The following MBNL3 variants were observed in gnomAD, a reference collection of about 807,000 sequenced individuals.
MBNL3 encodes the protein muscleblind like splicing regulator 3.
MBNL3 carries 6 observed loss-of-function variants against 24.5 expected under a neutral mutation model. The ratio of observed to expected loss-of-function variants is 0.25; its 90% CI spans 0.13 to 0.48. MBNL3 has a LOEUF of 0.48. Among genes scored for constraint, MBNL3 ranks in the 20% least tolerant of loss-of-function variants. MBNL3 has a pLI of 0.99. For synonymous variants in MBNL3, 100 were observed against 101.7 expected, an observed-to-expected ratio of 0.98 and a Z score of 0.10; for missense variants, 230 against 293.5, an observed-to-expected ratio of 0.78 and a Z score of 1.58.
chrX:132,467,716 C>T (rs1158373327), intron 1 of MBNL3, among the ~76,000 whole-genome samples: 1 of 111,892 alleles, frequency 8.9e-6, no homozygotes, highest in Non-Finnish European at 1.9e-5. Context: ...AGCATCTTGT[C>T]CCAACAGGCT....
Position 132,450,183 on chromosome X carries a change from T to C in MBNL3, c.-703-9869A>G, listed in dbSNP as rs186404174. 3.4e-4 allele frequency among the ~76,000 whole-genome samples: 38 copies of C among 111,348 alleles called. 1 individual carries two copies. The highest frequency in any genetic ancestry group is 2.8e-3 in the Admixed American group (30 of 10,529). ...AGGAGTATCTTTGTGGTGTTCTCTGTATTTCCTGAATTTGAATGTTGGCCT... is the reference window on the plus strand; with the variant it reads ...AGGAGTATCTTTGTGGTGTTCTCTGCATTTCCTGAATTTGAATGTTGGCCT... On this transcript the variant is annotated intron_variant, in intron 1 of 8. Coordinates refer to ENST00000370853, the MANE Select transcript of MBNL3 (RefSeq NM_001386889.1).
chrX:132,475,787 C>T (rs1034042171), intron 1 of MBNL3, among the ~76,000 whole-genome samples: 1 of 111,415 alleles, frequency 9.0e-6, no homozygotes, highest in African/African-American at 3.3e-5. Context: ...CACTGTTTCT[C>T]CTGCCACCCA....
At chrX:132,417,083 G>T (rs1943366018) in intron 2 of MBNL3, among the ~76,000 whole-genome samples, 1 of 111,405 alleles carries the variant, frequency 9.0e-6, no homozygotes, top group Non-Finnish European at 1.9e-5. Context: ...AAACTGCTGA[G>T]ATTACTGTAA....
intron 2 of MBNL3, among the ~76,000 whole-genome samples, chrX:132,420,372 C>T (rs1943691781): frequency 2.7e-5 from 3 of 110,577 alleles, no homozygotes; most frequent in South Asian, 7.7e-4. Context: ...TGGTGGATGG[C>T]GAGTGAAAGC....
At chrX:132,488,148 A>G (rs1403258469) in intron 1 of MBNL3, among the ~76,000 whole-genome samples, 1 of 111,700 alleles carries the variant, frequency 9.0e-6, no homozygotes. Flanking sequence ...TAACTCCTTT[A>G]AAACATATTA....
At chrX:132,417,047 C>A (rs1423182999) in intron 2 of MBNL3, among the ~76,000 whole-genome samples, 1 of 111,594 alleles carries the variant, frequency 9.0e-6, no homozygotes, top group Non-Finnish European at 1.9e-5. Context: ...TTCAGATATG[C>A]GAACACAATT....
At chrX:132,403,381 A>G (rs12009311) in intron 3 of MBNL3, among the ~76,000 whole-genome samples, 14,880 of 111,015 alleles carry the variant, frequency 0.13, 1,116 homozygotes, top group African/African-American at 0.29. Context: ...AATAATCTAC[A>G]AGGTAGAGAA....
At chrX:132,379,926 A>C (rs1057343058) in intron 8 of MBNL3, among the ~76,000 whole-genome samples, 5 of 112,546 alleles carry the variant, frequency 4.4e-5, no homozygotes, top group African/African-American at 1.6e-4. Flanking sequence ...GATGCAATCC[A>C]ATGTTTAAGG....
intron 1 of MBNL3, among the ~76,000 whole-genome samples, chrX:132,449,064 T>C (rs1945898619): frequency 8.9e-6 from 1 of 111,892 alleles, no homozygotes; most frequent in South Asian, 3.7e-4. Context: ...AATTATGTGG[T>C]CAATTTTAGA....
Position 132,369,919 on chromosome X carries a change from T to A in MBNL3, c.*9747A>T, listed in dbSNP as rs1217212147. The A allele has an allele frequency of 8.9e-6, 1 of 112,097 alleles. No individual in the cohort carries two copies. The highest frequency in any genetic ancestry group is 1.9e-5 in the Non-Finnish European group (1 of 53,252). 9.2% of individuals were successfully genotyped at this position (112,097 alleles called of 1,213,427 possible). A position where few individuals can be genotyped will look rare whatever the true frequency, so the allele number is the denominator to read the frequency against. On this transcript the variant is annotated 3_prime_UTR_variant, in exon 9 of 9. Coordinates refer to ENST00000370853, the MANE Select transcript of MBNL3 (RefSeq NM_001386889.1). ...GGGCTGCACTGGCCAGAACTGCCAT[T>A]GTATACTAATTTCTGCATCCACTTT...
At chrX:132,426,108 T>A (rs1944283350) in intron 2 of MBNL3, among the ~76,000 whole-genome samples, 2 of 112,052 alleles carry the variant, frequency 1.8e-5, no homozygotes, top group African/African-American at 6.5e-5. Context: ...TGAGCCCATA[T>A]TTATTCTCCC....
chrX:132,485,222 T>A (rs1947940112), intron 1 of MBNL3, among the ~76,000 whole-genome samples: 3 of 111,523 alleles, frequency 2.7e-5, no homozygotes, highest in Admixed American at 9.5e-5. Flanking sequence ...TGCACATCTG[T>A]ATACATTGTT....
chrX:132,477,573 C>T (rs1251492873), intron 1 of MBNL3, among the ~76,000 whole-genome samples: 2 of 111,123 alleles, frequency 1.8e-5, no homozygotes, highest in African/African-American at 6.6e-5. Flanking sequence ...AGACAAACTC[C>T]TCATGATCCT....
Position 132,382,258 on chromosome X carries a change from C to T in MBNL3, c.973G>A (p.Gly325Ser), listed in dbSNP as rs754444734. The T allele has an allele frequency of 5.0e-6, 6 of 1,200,210 alleles. No homozygotes were observed. Among genetic ancestry groups the T allele is most frequent in the South Asian group, 3.6e-5 (2 of 54,831 alleles). Residue 325 changes from glycine to serine, a missense_variant, in exon 8 of 9, where the codon GGT becomes AGT. Physicochemically the swap from Gly to Ser is moderately conservative, Grantham distance 56. Coordinates refer to ENST00000370853, the MANE Select transcript of MBNL3 (RefSeq NM_001386889.1). ...PASNIVPMMH[G>S]ATPTTVSAAT... ...GCAGACACAGTGGTAGGTGTAGCACCGTGCATCATGGGCACTTTCAGTTGA... is the reference window on the plus strand; with the variant it reads ...GCAGACACAGTGGTAGGTGTAGCACTGTGCATCATGGGCACTTTCAGTTGA...
chrX:132,381,452 T>A (rs371055937), intron 8 of MBNL3: 2 of 1,001,109 alleles, frequency 2.0e-6, no homozygotes, highest in Non-Finnish European at 2.8e-6. Context: ...TAAAAAAGAT[T>A]TTAGATTAAA....
chrX:132,475,515 G>A (rs1211662345), intron 1 of MBNL3, among the ~76,000 whole-genome samples: 5 of 111,166 alleles, frequency 4.5e-5, no homozygotes, highest in Admixed American at 2.9e-4. Flanking sequence ...GCCAAAGAGA[G>A]TATTTGCCCA....
At chrX:132,385,760 ATTAAT>A (rs981885960) in intron 6 of MBNL3, among the ~76,000 whole-genome samples, 1 of 111,120 alleles carries the variant, frequency 9.0e-6, no homozygotes, top group African/African-American at 3.3e-5. Flanking sequence ...TAATTAACTG[ATTAAT>A]TTACTAGTTA....
chrX:132,393,371 TAA>T (rs765283254), intron 3 of MBNL3, among the ~76,000 whole-genome samples: 2 of 96,833 alleles, frequency 2.1e-5, no homozygotes, highest in African/African-American at 3.7e-5. Context: ...GAGTAACTTG[TAA>T]AAAAAAAAAA....
rs1054129073 is a variant in MBNL3, at chrX:132,483,982, A to AT, written c.-704+4868dup. On this transcript the variant is annotated intron_variant, in intron 1 of 8. Transcript: ENST00000370853. ...AGGCATCAGAGTCACAGTATTTCTG[A>AT]TTTTTTTTTTAAATTTTTAATCTGG... Among the ~76,000 whole-genome samples the AT allele has an allele frequency of 6.2e-4, 69 of 110,460 alleles. No individual in the cohort carries two copies. The South Asian group carries it at 6.5e-3, about 10-fold the overall frequency.
Sources: gnomAD v4.1 joint callset for allele counts (sites outside exome capture counted in the v4.1 genomes callset) on GRCh38, gnomAD v4.1.1 for gene constraint, MANE v1.5 for transcripts, NCBI Gene and HGNC (gene_info 2026-07-23, HGNC 2026-07-21) for gene names.